Variants in ZNF568 observed in about 807,000 individuals in gnomAD.
ZNF568 encodes p53 inhibitor of SCO2 activation.
A neutral mutation model predicts 18.1 loss-of-function variants in ZNF568; 11 were observed. The ratio of observed to expected loss-of-function variants is 0.61; its 90% CI spans 0.38 to 1.00. The LOEUF is 1.00. ZNF568 is among the 50% of genes least tolerant of loss of function. The pLI is 0.01. For synonymous variants in ZNF568, 213 were observed against 246.6 expected (o/e 0.86, Z 1.28); for missense variants, 639 against 768.2 (o/e 0.83, Z 1.99).
At chr19:36,958,616 C>CTTTTTTTTTTT (rs35494587) in intron 6 of ZNF568, among the ~76,000 whole-genome samples, 162 of 99,156 alleles carry the variant, frequency 1.6e-3, no homozygotes, top group African/African-American at 3.0e-3. Context: ...CTTTTTCTTT[C>CTTTTTTTTTTT]TTTTTTTTTT....
intron 4 of ZNF568, among the ~76,000 whole-genome samples, chr19:36,934,021 T>C (rs1196918687): frequency 6.7e-6 from 1 of 149,592 alleles, no homozygotes; most frequent in Non-Finnish European, 1.5e-5. Context: ...TTTCTAGAAA[T>C]TCATTCATTT....
At chr19:36,935,344 G>A (rs494804) in intron 4 of ZNF568, among the ~76,000 whole-genome samples, 54,938 of 151,684 alleles carry the variant, frequency 0.36, 10,234 homozygotes, top group African/African-American at 0.41. Flanking sequence ...GGTGGATCAC[G>A]AGGTCAGGAG....
At position 36,922,735 on chromosome 19, in the gene ZNF568, G is replaced by A. The variant is rs762325772; in HGVS notation, c.-36G>A. The A allele has an allele frequency of 6.2e-7, 1 of 1,604,188 alleles. No homozygotes were observed. Among genetic ancestry groups the A allele is most frequent in the Non-Finnish European group, 8.5e-7 (1 of 1,171,944 alleles). ...GTGGACCCTGGAGTTGCTGGAGCTT[G>A]TCTTGACCCTTCTGCCCAGAGCAGG... On this transcript the variant is annotated 5_prime_UTR_variant, in exon 3 of 7. Coordinates refer to ENST00000333987, the MANE Select transcript of ZNF568 (RefSeq NM_198539.4).
At chr19:36,942,140 G>A (rs775907169) in intron 6 of ZNF568, among the ~76,000 whole-genome samples, 1 of 151,492 alleles carries the variant, frequency 6.6e-6, no homozygotes, top group African/African-American at 2.4e-5. Flanking sequence ...ACACCACCAC[G>A]CCCGGCTAAT....
chr19:36,930,746 C>T (rs1165031357), intron 4 of ZNF568, among the ~76,000 whole-genome samples: 1 of 152,106 alleles, frequency 6.6e-6, no homozygotes, highest in Non-Finnish European at 1.5e-5. Context: ...GTCTTCACAT[C>T]AACCCTTTAA....
At chr19:36,985,546 A>G (rs539025473) in intron 2 of ZNF568, among the ~76,000 whole-genome samples, 1 of 151,856 alleles carries the variant, frequency 6.6e-6, no homozygotes, top group African/African-American at 2.4e-5. Context: ...TTTTTAAGAC[A>G]CAGTCTCACT....
chr19:36,955,233 T>C (rs533632953), downstream of ZNF568, among the ~76,000 whole-genome samples: 3 of 152,302 alleles, frequency 2.0e-5, no homozygotes, highest in South Asian at 6.2e-4. Context: ...TATCTGTGAT[T>C]TTCTTTTTAA....
At chr19:36,994,118 T>C (rs555829832) in intron 4 of ZNF568, among the ~76,000 whole-genome samples, 1 of 152,272 alleles carries the variant, frequency 6.6e-6, no homozygotes, top group South Asian at 2.1e-4. Context: ...TGTTGACTTT[T>C]CATTTATCTC....
chr19:36,995,574 T>C (rs2074463263), intron 4 of ZNF568, among the ~76,000 whole-genome samples: 1 of 152,202 alleles, frequency 6.6e-6, no homozygotes, highest in South Asian at 2.1e-4. Context: ...GGTATTGTGG[T>C]ATTTGTTTTC....
chr19:36,944,040 T>C (rs1407826157), intron 6 of ZNF568, among the ~76,000 whole-genome samples: 1 of 152,118 alleles, frequency 6.6e-6, no homozygotes, highest in Non-Finnish European at 1.5e-5. Flanking sequence ...GGTTGCTCTT[T>C]AATACTGAGT....
In ZNF568 at chr19:36,949,808, G is replaced by T; in HGVS notation, c.655G>T (p.Val219Leu). 6.2e-7 allele frequency: 1 copy of T among 1,613,968 alleles called. No individual in the cohort carries two copies. Among genetic ancestry groups the T allele is most frequent in the Non-Finnish European group, 8.5e-7 (1 of 1,179,938 alleles). Residue 219 changes from valine to leucine, a missense_variant, in exon 7 of 7, where the codon GTA becomes TTA. By Grantham distance (32) the Val-to-Leu change is conservative (BLOSUM62 1). Transcript: ENST00000333987. Reference sequence around the variant, plus strand: ...ATTTTACCATTGTGCATCCTATGTTGTAACCCCCTTTAAGTGTAATCAGTG... The same window carrying T: ...ATTTTACCATTGTGCATCCTATGTTTTAACCCCCTTTAAGTGTAATCAGTG... ...KPFYHCASYV[V>L]TPFKCNQCGQ...
At chr19:36,954,555 C>T (rs1219896869), downstream of ZNF568, among the ~76,000 whole-genome samples, 3 of 146,876 alleles carry the variant, frequency 2.0e-5, no homozygotes, top group Non-Finnish European at 4.5e-5. Flanking sequence ...CTAGCATACC[C>T]AATATTTATG....
At chr19:36,919,539 G>T (rs750320138) in intron 2 of ZNF568, among the ~76,000 whole-genome samples, 1 of 152,140 alleles carries the variant, frequency 6.6e-6, no homozygotes, top group Non-Finnish European at 1.5e-5. Context: ...TCCCTCGCAT[G>T]CACAGTTCAG....
At chr19:36,992,866 G>A (rs2074438022) in intron 4 of ZNF568, among the ~76,000 whole-genome samples, 1 of 152,118 alleles carries the variant, frequency 6.6e-6, no homozygotes, top group African/African-American at 2.4e-5. Flanking sequence ...GCCTGTTCTG[G>A]ACATTTTATA....
In ZNF568 at chr19:36,950,465, C is replaced by T. The variant is rs747404561; in HGVS notation, c.1312C>T (p.Arg438Ter). The T allele has an allele frequency of 3.7e-5, 60 of 1,611,486 alleles. No homozygotes were observed. The highest frequency in any genetic ancestry group is 6.6e-5 in the South Asian group (6 of 90,956). Reference sequence around the variant, plus strand: ...GAGTTCATCCCTAACCGTACATATGCGAAATCATACAGCTGAGAAACCCTA... The same window carrying T: ...GAGTTCATCCCTAACCGTACATATGTGAAATCATACAGCTGAGAAACCCTA... ...SQSSSLTVHM[R>*]NHTAEKPYEC... is the part of the protein sequence containing the mutation. The change falls in exon 7 of 7, where the codon CGA becomes TGA. Residue 438 changes from arginine (R) to a stop codon, truncating the protein, a stop_gained. Coordinates refer to ENST00000333987, the MANE Select transcript of ZNF568 (RefSeq NM_198539.4). LOFTEE classifies it low-confidence loss of function (END_TRUNC).
intron 4 of ZNF568, among the ~76,000 whole-genome samples, chr19:36,994,954 T>C (rs1913094366): frequency 6.6e-6 from 1 of 152,100 alleles, no homozygotes; most frequent in Non-Finnish European, 1.5e-5. Flanking sequence ...CCGGCCAAAA[T>C]ATCCTTTTTT....
At chr19:36,974,346 G>A (rs1411721166) in intron 6 of ZNF568, 2 of 1,323,734 alleles carry the variant, frequency 1.5e-6, no homozygotes, top group African/African-American at 2.9e-5. Context: ...GGTGGGGCAG[G>A]AGTTTGGCCT....
intron 2 of ZNF568, among the ~76,000 whole-genome samples, chr19:36,988,999 T>C (rs563336460): frequency 6.2e-4 from 95 of 152,318 alleles, no homozygotes; most frequent in Non-Finnish European, 9.7e-4. Context: ...TCGCGTTTTG[T>C]ACCCCCACCC....
intron 6 of ZNF568, among the ~76,000 whole-genome samples, chr19:36,967,864 C>A (rs569979197): frequency 6.6e-6 from 1 of 152,288 alleles, no homozygotes; most frequent in South Asian, 2.1e-4. Flanking sequence ...AGTAAAGAAT[C>A]TCATCTTTCT....
Sources: gnomAD v4.1 joint callset for allele counts (sites outside exome capture counted in the v4.1 genomes callset) on GRCh38, gnomAD v4.1.1 for gene constraint, MANE v1.5 for transcripts, NCBI Gene and HGNC (gene_info 2026-07-23, HGNC 2026-07-21) for gene names.